The following SRRM4 variants were observed in gnomAD, a reference collection of about 807,000 sequenced individuals.
SRRM4 encodes the protein serine/arginine repetitive matrix protein 4.
In SRRM4, 33 loss-of-function variants were observed where a neutral mutation model predicts 68.9. The observed-to-expected ratio is 0.48, with a 90% CI of 0.36 to 0.64. The LOEUF (loss-of-function observed/expected upper bound fraction) is 0.64, where lower values mean the gene tolerates loss of function less well. Ranked by LOEUF, SRRM4 falls within the 30% of genes least tolerant of loss-of-function variation. SRRM4 has a pLI of 0.00. For synonymous variants in SRRM4, 318 were observed against 318.8 expected, an observed-to-expected ratio of 1.00 and a Z score of 0.03; for missense variants, 817 against 827.1, an observed-to-expected ratio of 0.99 and a Z score of 0.15.
rs1954489931 is a variant in SRRM4, at chr12:119,158,782, G to A, written c.*1984G>A. ...CACCAAAAACCTTCTTAGCAGGACA[G>A]CTGTGAGAGGCATCAGAACCTCACG... On this transcript the variant is annotated 3_prime_UTR_variant, in exon 13 of 13. Transcript: ENST00000267260. 1 of 152,712 alleles carries A rather than the reference G, an allele frequency of 6.5e-6. No homozygotes were observed. The highest frequency in any genetic ancestry group is 6.5e-5 in the Admixed American group (1 of 15,284). 9.5% of individuals were successfully genotyped at this position (152,712 alleles called of 1,614,324 possible).
chr12:119,090,751 G>T (rs1485637910), intron 1 of SRRM4, among the ~76,000 whole-genome samples: 1 of 152,126 alleles, frequency 6.6e-6, no homozygotes, highest in Non-Finnish European at 1.5e-5. Context: ...CTGGACCTCA[G>T]TTTCTCCAGG....
chr12:119,078,731 G>A lies in SRRM4; in HGVS notation c.132-23505G>A, dbSNP rs186885565. Among the ~76,000 whole-genome samples, 302 of 152,198 alleles carry A rather than the reference G, an allele frequency of 2.0e-3. 2 individuals carry two copies. The highest frequency in any genetic ancestry group is 7.0e-3 in the African/African-American group (289 of 41,524). On this transcript the variant is annotated intron_variant, in intron 1 of 12. Coordinates refer to ENST00000267260, the MANE Select transcript of SRRM4 (RefSeq NM_194286.4). ...GCCCAGAAGTTTGAGGCAAGCCTGG[G>A]CAATGTAGTGTGACCCCGTCTCTAC...
At chr12:119,057,315 AT>A (rs1392293370) in intron 1 of SRRM4, among the ~76,000 whole-genome samples, 3 of 152,168 alleles carry the variant, frequency 2.0e-5, no homozygotes, top group African/African-American at 4.8e-5. Flanking sequence ...AGTGCCCAGC[AT>A]CCACTAGCTA....
chr12:119,011,172 A>G (rs1439350587), intron 1 of SRRM4, among the ~76,000 whole-genome samples: 1 of 152,228 alleles, frequency 6.6e-6, no homozygotes, highest in African/African-American at 2.4e-5. Flanking sequence ...CTCCTGTGTT[A>G]GTTATGTATA....
At chr12:119,135,994 C>T (rs982235571) in intron 8 of SRRM4, among the ~76,000 whole-genome samples, 1 of 152,092 alleles carries the variant, frequency 6.6e-6, no homozygotes, top group Non-Finnish European at 1.5e-5. Context: ...TAAGCATCTA[C>T]TGTCCTGCCC....
chr12:119,145,503 A>G lies in SRRM4; in HGVS notation c.894A>G (p.Gln298=), dbSNP rs1327682178. The G allele has an allele frequency of 1.9e-6, 3 of 1,610,038 alleles. No homozygotes were observed. Among genetic ancestry groups the G allele is most frequent in the Non-Finnish European group, 2.5e-6 (3 of 1,177,958 alleles). ...GNDTSSPPST[Q]TSSARSRGQE... ...ACACGTCCTCGCCACCCTCCACGCA[A>G]ACCAGCTCAGCCAGGTCTCGGGGCC... The change falls in exon 9 of 13, where the codon CAA becomes CAG. Residue 298 remains glutamine (Q), a synonymous_variant. Coordinates refer to ENST00000267260, the MANE Select transcript of SRRM4 (RefSeq NM_194286.4).
chr12:119,145,168 CA>C (rs1198934585), intron 8 of SRRM4, among the ~76,000 whole-genome samples: 7 of 151,934 alleles, frequency 4.6e-5, no homozygotes, highest in African/African-American at 9.7e-5. Context: ...CTAAATCTTC[CA>C]GTTATCCTAG....
In SRRM4 at chr12:119,038,304, C is replaced by T. The variant is rs555502760; in HGVS notation, c.131+56291C>T. 3.2e-4 allele frequency among the ~76,000 whole-genome samples: 48 copies of T among 152,042 alleles called. No homozygotes were observed. The South Asian group carries it at 8.7e-3, about 28-fold the overall frequency. On this transcript the variant is annotated intron_variant, in intron 1 of 12. Coordinates refer to ENST00000267260, the MANE Select transcript of SRRM4 (RefSeq NM_194286.4). ...ACGGCTCACTGCAAGCTCCGCCTTC[C>T]GGGTTCATGCCATTCTCCTGCCTCA...
Position 118,981,887 on chromosome 12 carries a change from C to G in SRRM4, c.5C>G (p.Ala2Gly), listed in dbSNP as rs755894493. 1.2e-6 allele frequency: 2 copies of G among 1,613,332 alleles called. No homozygotes were observed. The highest frequency in any genetic ancestry group is 8.5e-7 in the Non-Finnish European group (1 of 1,179,612). Reference sequence around the variant, plus strand: ...CCCGGCCCCTTTGGGTTGGCGATGGCGAGCGTTCAGCAAGGCGAGAAGCAG... The same window carrying G: ...CCCGGCCCCTTTGGGTTGGCGATGGGGAGCGTTCAGCAAGGCGAGAAGCAG... The part of the protein sequence containing the change: M[A>G]SVQQGEKQLF... Residue 2 changes from alanine to glycine, a missense_variant, in exon 1 of 13, where the codon GCG becomes GGG. Physicochemically the swap from Ala to Gly is moderately conservative, Grantham distance 60. Transcript: ENST00000267260.
chr12:119,077,093 C>T (rs1953921253), intron 1 of SRRM4, among the ~76,000 whole-genome samples: 2 of 152,150 alleles, frequency 1.3e-5, no homozygotes, highest in African/African-American at 2.4e-5. Context: ...GATTTTCTCC[C>T]TTCAGTATGC....
At chr12:119,033,057 CCA>C (rs1262187073) in intron 1 of SRRM4, among the ~76,000 whole-genome samples, 1 of 151,984 alleles carries the variant, frequency 6.6e-6, no homozygotes, top group Non-Finnish European at 1.5e-5. Context: ...TTTTCAAGAT[CCA>C]GTTTTTATAT....
Position 119,117,016 on chromosome 12 carries a change from C to T in SRRM4, c.437+8C>T. On this transcript the variant is annotated splice_region_variant and intron_variant, in intron 4 of 12. Coordinates refer to ENST00000267260, the MANE Select transcript of SRRM4 (RefSeq NM_194286.4). ...GAAACACAAGCGACGCAGGTATTGT[C>T]CTTTTTCTCTGCAAACAAGACCTCC... is the stretch of plus-strand genomic sequence containing the variant. 6.2e-7 allele frequency: 1 copy of T among 1,613,624 alleles called. No homozygotes were observed. Among genetic ancestry groups the T allele is most frequent in the Non-Finnish European group, 8.5e-7 (1 of 1,179,696 alleles).
intron 10 of SRRM4, among the ~76,000 whole-genome samples, chr12:119,152,818 T>C (rs1422374701): frequency 6.6e-6 from 1 of 152,146 alleles, no homozygotes; most frequent in South Asian, 2.1e-4. Context: ...GTGGGAGGCA[T>C]TAACAGAAAG....
chr12:119,160,425 C>T lies in SRRM4; in HGVS notation c.*3627C>T, dbSNP rs1463171815. ...CCTGATTAACCAGAACCTCCCATTC[C>T]CAGTATCGCTGTTCCTACGCCCATT... On this transcript the variant is annotated 3_prime_UTR_variant, in exon 13 of 13. Transcript: ENST00000267260. 3 of 152,098 alleles carry T rather than the reference C, an allele frequency of 2.0e-5. No homozygotes were observed. Among genetic ancestry groups the T allele is most frequent in the Non-Finnish European group, 2.9e-5 (2 of 68,036 alleles). The allele number at this position is 152,098 out of a possible 1,614,324, so 9.4% of individuals were successfully genotyped here.
At position 119,068,204 on chromosome 12, in the gene SRRM4, G is replaced by A. The variant is rs552717167; in HGVS notation, c.132-34032G>A. ...TCCCTATGCTTCATTTTTCTCATCT[G>A]TAATAGCAGTGGTAACCTAGGGCCT... On this transcript the variant is annotated intron_variant, in intron 1 of 12. Coordinates refer to ENST00000267260, the MANE Select transcript of SRRM4 (RefSeq NM_194286.4). 2.0e-5 allele frequency among the ~76,000 whole-genome samples: 3 copies of A among 152,320 alleles called. No individual in the cohort carries two copies. The South Asian group carries it at 6.2e-4, about 32-fold the overall frequency.
Position 119,156,736 on chromosome 12 carries a change from C to CGGAGCA in SRRM4, c.1780_1785dup (p.Arg594_Ser595dup). The CGGAGCA allele has an allele frequency of 1.3e-6, 2 of 1,546,636 alleles. No homozygotes were observed. Among genetic ancestry groups the CGGAGCA allele is most frequent in the Non-Finnish European group, 1.7e-6 (2 of 1,146,278 alleles). ...CCGGAGCAGGAGCCGGAGCCGGAGC[C>CGGAGCA]GGAGCAGGAGCCAGAGCCGGAGCTA... On this transcript the variant is annotated inframe_insertion, in exon 13 of 13. Transcript: ENST00000267260.
rs190072952 is a variant in SRRM4, at chr12:119,031,462, G to T, written c.131+49449G>T. ...GTCTTGCCCACACTCAAGAGGAGGG[G>T]ATTATATAAGAATGTGAACACCAGA... is the stretch of plus-strand genomic sequence containing the variant. On this transcript the variant is annotated intron_variant, in intron 1 of 12. Coordinates refer to ENST00000267260, the MANE Select transcript of SRRM4 (RefSeq NM_194286.4). The T allele has an allele frequency of 1.6e-3, 251 of 152,314 alleles. 2 individuals carry two copies. The highest frequency in any genetic ancestry group is 5.7e-3 in the African/African-American group (235 of 41,564). The allele number at this position is 152,314 out of a possible 1,614,324, so 9.4% of individuals were successfully genotyped here.
chr12:118,990,369 C>G (rs1953308833), intron 1 of SRRM4, among the ~76,000 whole-genome samples: 2 of 152,166 alleles, frequency 1.3e-5, no homozygotes, highest in Non-Finnish European at 1.5e-5. Flanking sequence ...TTTGAACAGA[C>G]ACACGTAGAT....
intron 4 of SRRM4, among the ~76,000 whole-genome samples, chr12:119,117,695 C>T (rs12582329): frequency 0.086 from 13,154 of 152,086 alleles, 718 homozygotes; most frequent in East Asian, 0.25. Flanking sequence ...GGGCAGATCA[C>T]GAGGTCAGGA....
Sources: allele counts gnomAD v4.1 joint callset (sites outside exome capture counted in the v4.1 genomes callset), GRCh38; gene constraint gnomAD v4.1.1; transcripts MANE v1.5; gene names NCBI Gene and HGNC (gene_info 2026-07-23, HGNC 2026-07-21).